The following NR5A2 variants were observed in gnomAD, a reference collection of about 807,000 sequenced individuals.
NR5A2 encodes nuclear receptor subfamily 5 group A member 2.
NR5A2 carries 26 observed loss-of-function variants against 62.7 expected under a neutral mutation model. That is an observed-to-expected ratio of 0.41 (90% CI 0.30 to 0.58). NR5A2 has a LOEUF of 0.58. Ranked by LOEUF, NR5A2 falls within the 20% of genes least tolerant of loss-of-function variation. The pLI, the probability that NR5A2 is intolerant of heterozygous loss-of-function variation, is 0.22. For missense variants in NR5A2, 541 were observed against 669.1 expected (o/e 0.81, Z 2.11); for synonymous variants, 246 against 241.7 (o/e 1.02, Z -0.16).
intron 7 of NR5A2, among the ~76,000 whole-genome samples, chr1:200,157,706 G>A (rs1420295873): frequency 6.6e-6 from 1 of 152,158 alleles, no homozygotes; most frequent in Non-Finnish European, 1.5e-5. Flanking sequence ...AAATGGATAA[G>A]TATTTGGCTT....
chr1:200,168,096 G>T (rs1453872877), intron 7 of NR5A2, among the ~76,000 whole-genome samples: 2 of 151,930 alleles, frequency 1.3e-5, no homozygotes, highest in Non-Finnish European at 1.5e-5. Context: ...ATACACGAAG[G>T]TATGAAATAA....
At chr1:200,035,268 A>G (rs1661726172) in intron 1 of NR5A2, among the ~76,000 whole-genome samples, 1 of 152,188 alleles carries the variant, frequency 6.6e-6, no homozygotes, top group South Asian at 2.1e-4. Context: ...TGGGAATGGA[A>G]GAGAAGACGG....
chr1:200,174,269 G>A lies in NR5A2; in HGVS notation c.*59G>A. ...AAAAGAGATTGGGGGAGTGGGGAGG[G>A]GGAAGAAGAACAGGAAGAAAAAAAG... is the stretch of plus-strand genomic sequence containing the variant. On this transcript the variant is annotated 3_prime_UTR_variant, in exon 8 of 8. Coordinates refer to ENST00000367362, the MANE Select transcript of NR5A2 (RefSeq NM_205860.3). 1.4e-6 allele frequency: 2 copies of A among 1,451,474 alleles called. No homozygotes were observed. Among genetic ancestry groups the A allele is most frequent in the Non-Finnish European group, 1.8e-6 (2 of 1,100,792 alleles). 89.9% of individuals were successfully genotyped at this position (1,451,474 alleles called of 1,614,324 possible).
At chr1:200,077,802 C>A (rs1414063840) in intron 5 of NR5A2, among the ~76,000 whole-genome samples, 1 of 152,160 alleles carries the variant, frequency 6.6e-6, no homozygotes, top group Non-Finnish European at 1.5e-5. Flanking sequence ...TTCTTTTTCT[C>A]ATTTGCAAGA....
At chr1:200,170,409 A>G (rs1445915208) in intron 7 of NR5A2, among the ~76,000 whole-genome samples, 1 of 152,256 alleles carries the variant, frequency 6.6e-6, no homozygotes, top group Non-Finnish European at 1.5e-5. Context: ...TTTCATCAAA[A>G]CTAATTCCAT....
chr1:200,046,438 T>C (rs1345500515), intron 4 of NR5A2, among the ~76,000 whole-genome samples: 1 of 152,144 alleles, frequency 6.6e-6, no homozygotes, highest in East Asian at 1.9e-4. Context: ...ATAACAGGGA[T>C]ACATATCACC....
chr1:200,143,734 C>T (rs1240072970), intron 7 of NR5A2, among the ~76,000 whole-genome samples: 3 of 151,500 alleles, frequency 2.0e-5, no homozygotes, highest in East Asian at 1.9e-4. Flanking sequence ...CTCCGCCTCC[C>T]GAGTTCAAGC....
chr1:200,062,490 A>T (rs2102198764), intron 5 of NR5A2, among the ~76,000 whole-genome samples: 1 of 152,320 alleles, frequency 6.6e-6, no homozygotes, highest in African/African-American at 2.4e-5. Flanking sequence ...CCTAATTTTT[A>T]AAAAACTTAC....
intron 5 of NR5A2, among the ~76,000 whole-genome samples, chr1:200,067,195 G>C (rs113199324): frequency 6.6e-6 from 1 of 152,314 alleles, no homozygotes; most frequent in East Asian, 1.9e-4. Flanking sequence ...CATGGGTGGG[G>C]CTGGAGGCCA....
At chr1:200,144,223 T>TCA (rs1667571589) in intron 7 of NR5A2, among the ~76,000 whole-genome samples, 1 of 30,960 alleles carries the variant, frequency 3.2e-5, no homozygotes, top group South Asian at 1.1e-3. Flanking sequence ...TTTCTCTCTC[T>TCA]CTCTCTCTCT....
chr1:200,054,808 C>T (rs1341634812), intron 5 of NR5A2, among the ~76,000 whole-genome samples: 2 of 152,126 alleles, frequency 1.3e-5, no homozygotes, highest in African/African-American at 4.8e-5. Flanking sequence ...TCCTAAATCA[C>T]AGTTACCTTT....
chr1:200,030,969 C>A (rs1039544044), intron 1 of NR5A2, among the ~76,000 whole-genome samples: 1 of 152,118 alleles, frequency 6.6e-6, no homozygotes, highest in East Asian at 1.9e-4. Flanking sequence ...TGAAAGTAGA[C>A]GTTTCATCAG....
intron 7 of NR5A2, among the ~76,000 whole-genome samples, chr1:200,134,382 C>G (rs962386306): frequency 6.6e-6 from 1 of 152,126 alleles, no homozygotes; most frequent in Non-Finnish European, 1.5e-5. Context: ...TATTTTTTAT[C>G]TCATAGACTG....
At chr1:200,156,344 CG>C (rs533626323) in intron 7 of NR5A2, among the ~76,000 whole-genome samples, 102 of 152,306 alleles carry the variant, frequency 6.7e-4, no homozygotes, top group South Asian at 2.7e-3. Context: ...TTTGACTTCA[CG>C]ATGCTGCAAA....
At chr1:200,166,135 C>T (rs1351283096) in intron 7 of NR5A2, among the ~76,000 whole-genome samples, 1 of 152,144 alleles carries the variant, frequency 6.6e-6, no homozygotes, top group Non-Finnish European at 1.5e-5. Flanking sequence ...GAGTAGCCCA[C>T]CATTCCCTTT....
chr1:200,100,485 T>G (rs1045291363), intron 5 of NR5A2, among the ~76,000 whole-genome samples: 1 of 152,206 alleles, frequency 6.6e-6, no homozygotes, highest in African/African-American at 2.4e-5. Flanking sequence ...TCCAAAGCTA[T>G]GCATTTCCTT....
At chr1:200,139,418 T>C (rs2737622) in intron 7 of NR5A2, among the ~76,000 whole-genome samples, 139,975 of 152,240 alleles carry the variant, frequency 0.92, 64,959 homozygotes, top group Non-Finnish European at 0.98. Flanking sequence ...GGTACTCTTG[T>C]CTTATTTCAG....
chr1:200,056,808 T>C (rs1347369246), intron 5 of NR5A2, among the ~76,000 whole-genome samples: 1 of 152,162 alleles, frequency 6.6e-6, no homozygotes, highest in Non-Finnish European at 1.5e-5. Context: ...ACTGGAACCA[T>C]GGGGAGAACA....
intron 1 of NR5A2, chr1:200,028,953 A>G (rs1434690148): frequency 2.8e-6 from 1 of 358,844 alleles, no homozygotes; most frequent in Admixed American, 3.1e-5. Flanking sequence ...GGAAATGTTT[A>G]CCAAAAATGT....
Sources: allele counts gnomAD v4.1 joint callset (sites outside exome capture counted in the v4.1 genomes callset), GRCh38; gene constraint gnomAD v4.1.1; transcripts MANE v1.5; gene names NCBI Gene and HGNC (gene_info 2026-07-23, HGNC 2026-07-21).